The following CPA6 variants were observed in gnomAD, a reference collection of about 807,000 sequenced individuals.
CPA6 encodes the protein carboxypeptidase B.
Under a neutral mutation model 63.3 loss-of-function variants are expected in CPA6, and 58 were observed. That is an observed-to-expected ratio of 0.92 (90% CI 0.74 to 1.14). CPA6 has a LOEUF of 1.14. Among genes scored for constraint, CPA6 ranks in the 50% most tolerant of loss-of-function variants. The pLI is 0.00. For synonymous variants in CPA6, 185 were observed against 179.0 expected (o/e 1.03, Z -0.27); for missense variants, 565 against 526.6 (o/e 1.07, Z -0.71).
chr8:67,430,131 ATGTGTG>A (rs58059553), intron 9 of CPA6, among the ~76,000 whole-genome samples: 28,688 of 128,490 alleles, frequency 0.22, 3,798 homozygotes, highest in African/African-American at 0.4. Flanking sequence ...GTATATATAT[ATGTGTG>A]TGTGTGTGTG....
At chr8:67,701,946 C>T (rs939268647) in intron 1 of CPA6, among the ~76,000 whole-genome samples, 1 of 152,116 alleles carries the variant, frequency 6.6e-6, no homozygotes, top group Non-Finnish European at 1.5e-5. Context: ...CTTTTGTATT[C>T]ATCCCCACGA....
chr8:67,696,793 T>C (rs1816920598), intron 1 of CPA6, among the ~76,000 whole-genome samples: 1 of 152,140 alleles, frequency 6.6e-6, no homozygotes, highest in South Asian at 2.1e-4. Context: ...CTGGAAAAGG[T>C]AAACCTGTTG....
At chr8:67,570,156 T>C (rs1236265774) in intron 2 of CPA6, 1 of 152,302 alleles carries the variant, frequency 6.6e-6, no homozygotes, top group Non-Finnish European at 1.5e-5. Flanking sequence ...ATTTGTACTC[T>C]TTCTATCATT....
intron 2 of CPA6, among the ~76,000 whole-genome samples, chr8:67,530,167 C>A (rs1812448285): frequency 6.8e-6 from 1 of 146,988 alleles, no homozygotes; most frequent in African/African-American, 2.5e-5. Context: ...AATTGGAAAA[C>A]AAAGTTGAGG....
At chr8:67,641,284 TGGCCTGTG>T (rs998619054) in intron 1 of CPA6, among the ~76,000 whole-genome samples, 3 of 151,824 alleles carry the variant, frequency 2.0e-5, no homozygotes, top group Admixed American at 2.0e-4. Flanking sequence ...GGGCTGGCCT[TGGCCTGTG>T]GGCCATAGCT....
chr8:67,622,787 A>C (rs1033111146), intron 2 of CPA6, among the ~76,000 whole-genome samples: 1 of 152,148 alleles, frequency 6.6e-6, no homozygotes, highest in African/African-American at 2.4e-5. Flanking sequence ...GTAGGAAAAA[A>C]CATTTTTCTA....
At chr8:67,499,210 G>A (rs142950308) in intron 6 of CPA6, among the ~76,000 whole-genome samples, 1 of 152,240 alleles carries the variant, frequency 6.6e-6, no homozygotes. Context: ...GGCATGGGAC[G>A]GTAATGCTGG....
At chr8:67,515,769 A>C (rs1812131786) in intron 3 of CPA6, among the ~76,000 whole-genome samples, 1 of 152,066 alleles carries the variant, frequency 6.6e-6, no homozygotes, top group Non-Finnish European at 1.5e-5. Context: ...AGATATCCAC[A>C]CAACACTCCC....
intron 2 of CPA6, among the ~76,000 whole-genome samples, chr8:67,524,579 C>T (rs79681209): frequency 6.6e-6 from 1 of 151,864 alleles, no homozygotes; most frequent in Non-Finnish European, 1.5e-5. Context: ...CCAGGATGAC[C>T]TCATCTCCAG....
At position 67,746,216 on chromosome 8, in the gene CPA6, G is replaced by A. The variant is rs559634854; in HGVS notation, c.-87C>T. ...ACAGCACCCTCTACACACCGCACAG[G>A]TTCTCCGGGAAGGGGGTGGGCGAGG... On this transcript the variant is annotated 5_prime_UTR_variant, in exon 1 of 11. Transcript: ENST00000297770. 4.7e-6 allele frequency: 4 copies of A among 855,088 alleles called. No homozygotes were observed. The highest frequency in any genetic ancestry group is 5.0e-5 in the Admixed American group (2 of 40,224). The allele number at this position is 855,088 out of a possible 1,614,324, so 53.0% of individuals were successfully genotyped here. A position where few individuals can be genotyped will look rare whatever the true frequency, so the allele number is the denominator to read the frequency against.
intron 1 of CPA6, among the ~76,000 whole-genome samples, chr8:67,701,672 A>G (rs116156733): frequency 2.5e-3 from 388 of 152,316 alleles, no homozygotes; most frequent in Middle Eastern, 0.01. Context: ...CAGATGTCCT[A>G]CAAGAGAAAC....
intron 1 of CPA6, among the ~76,000 whole-genome samples, chr8:67,710,406 C>CG (rs1817232979): frequency 6.7e-6 from 1 of 148,838 alleles, no homozygotes; most frequent in African/African-American, 2.5e-5. Flanking sequence ...CGCCCCCACC[C>CG]CCCCCCAACC....
intron 2 of CPA6, among the ~76,000 whole-genome samples, chr8:67,603,851 TC>T (rs1336151752): frequency 6.6e-6 from 1 of 152,240 alleles, no homozygotes; most frequent in Non-Finnish European, 1.5e-5. Flanking sequence ...TGCTTTTGCC[TC>T]CACTCTCTTT....
At chr8:67,537,858 G>A (rs1812618889) in intron 2 of CPA6, among the ~76,000 whole-genome samples, 1 of 152,072 alleles carries the variant, frequency 6.6e-6, no homozygotes, top group Non-Finnish European at 1.5e-5. Flanking sequence ...CTGCTTTAGC[G>A]GTGTCCCAAA....
chr8:67,439,462 G>A (rs1191541379), intron 8 of CPA6, among the ~76,000 whole-genome samples: 3 of 151,964 alleles, frequency 2.0e-5, no homozygotes, highest in Non-Finnish European at 4.4e-5. Context: ...GGTGGTGCAT[G>A]CGTTTAATCC....
chr8:67,660,335 T>G (rs1816080918), intron 1 of CPA6, among the ~76,000 whole-genome samples: 1 of 127,450 alleles, frequency 7.8e-6, no homozygotes, highest in Admixed American at 7.7e-5. Flanking sequence ...TTTTTTTTTT[T>G]TTTTTTTTTT....
intron 1 of CPA6, among the ~76,000 whole-genome samples, chr8:67,667,351 C>T (rs945747484): frequency 3.3e-5 from 5 of 151,964 alleles, no homozygotes; most frequent in South Asian, 4.2e-4. Context: ...GCCCTTTAGC[C>T]CCCAGGTTTC....
At position 67,507,461 on chromosome 8, in the gene CPA6, C is replaced by G. The variant is rs188456789; in HGVS notation, c.535-573G>C. Among the ~76,000 whole-genome samples, 340 of 152,184 alleles carry G rather than the reference C, an allele frequency of 2.2e-3. 1 individual carries two copies. The highest frequency in any genetic ancestry group is 7.5e-3 in the African/African-American group (313 of 41,520). ...GAATCAAGTGGTAGATTTTTCTTTA[C>G]AATCCTACCATATCAATATTACTTT... On this transcript the variant is annotated intron_variant, in intron 5 of 10. Transcript: ENST00000297770.
chr8:67,499,838 A>C (rs546288369), intron 6 of CPA6, among the ~76,000 whole-genome samples: 2 of 152,200 alleles, frequency 1.3e-5, no homozygotes, highest in South Asian at 2.1e-4. Context: ...TGTTCCTTTT[A>C]ATTGTTGAAT....
Sources: gnomAD v4.1 joint callset for allele counts (sites outside exome capture counted in the v4.1 genomes callset) on GRCh38, gnomAD v4.1.1 for gene constraint, MANE v1.5 for transcripts, NCBI Gene and HGNC (gene_info 2026-07-23, HGNC 2026-07-21) for gene names.